Variants in DIAPH2 observed in about 807,000 individuals in gnomAD.
DIAPH2 encodes the protein diaphanous related formin 2.
A neutral mutation model predicts 92.7 loss-of-function variants in DIAPH2; 35 were observed. The ratio of observed to expected loss-of-function variants is 0.38; its 90% CI spans 0.29 to 0.50. The LOEUF is 0.50. DIAPH2 is among the 20% of genes least tolerant of loss of function. DIAPH2 has a pLI of 0.94. For synonymous variants in DIAPH2, 301 were observed against 280.4 expected (o/e 1.07, Z -0.73); for missense variants, 701 against 819.5 (o/e 0.86, Z 1.77).
intron 4 of DIAPH2, among the ~76,000 whole-genome samples, chrX:96,873,702 G>T (rs1372335733): frequency 9.5e-6 from 1 of 105,005 alleles, no homozygotes; most frequent in Non-Finnish European, 2.0e-5. Flanking sequence ...ATATACACAT[G>T]TATATATACA....
intron 24 of DIAPH2, among the ~76,000 whole-genome samples, chrX:97,375,443 C>T (rs906160925): frequency 1.8e-5 from 2 of 110,649 alleles, no homozygotes; most frequent in African/African-American, 6.6e-5. Flanking sequence ...GCGACAAGAG[C>T]ACAACTCCAT....
chrX:97,072,950 A>G lies in DIAPH2; in HGVS notation c.2060A>G (p.Asn687Ser). The change falls in exon 18 of 27, where the codon AAC becomes AGC. Residue 687 changes from asparagine (N) to serine (S), a missense_variant. Coordinates refer to ENST00000324765, the MANE Select transcript of DIAPH2 (RefSeq NM_006729.5). ...NFATQIKVQK[N>S]AEALEEKKTG... is the part of the protein sequence containing the mutation. The stretch of plus-strand genomic sequence containing the variant: ...ACATTTTTTCTTTCAGTTCAAAAGA[A>G]CGCAGAAGCATTAGAAGAAAAGAAG... 8.4e-7 allele frequency: 1 copy of G among 1,192,330 alleles called. No homozygotes were observed. Among genetic ancestry groups the G allele is most frequent in the African/African-American group, 1.8e-5 (1 of 56,494 alleles).
At chrX:97,268,252 G>A (rs895945171) in intron 23 of DIAPH2, among the ~76,000 whole-genome samples, 1 of 112,346 alleles carries the variant, frequency 8.9e-6, no homozygotes, top group Non-Finnish European at 1.9e-5. Context: ...CTTGAATTGT[G>A]CTATTACACA....
chrX:96,933,448 G>A (rs2065633873), intron 10 of DIAPH2, among the ~76,000 whole-genome samples: 1 of 106,544 alleles, frequency 9.4e-6, no homozygotes, highest in Non-Finnish European at 1.9e-5. Context: ...TTCCACTGCA[G>A]CCTCTCAAGT....
chrX:97,275,684 G>A (rs1448539435), intron 23 of DIAPH2, among the ~76,000 whole-genome samples: 4 of 107,901 alleles, frequency 3.7e-5, no homozygotes, highest in Non-Finnish European at 5.8e-5. Flanking sequence ...CAGACGGGGC[G>A]GCGGGGCAGA....
chrX:97,256,344 G>A (rs775062906), intron 23 of DIAPH2, among the ~76,000 whole-genome samples: 1 of 112,151 alleles, frequency 8.9e-6, no homozygotes, highest in African/African-American at 3.2e-5. Flanking sequence ...CAATGAATCT[G>A]TGAATTTGTT....
intron 25 of DIAPH2, among the ~76,000 whole-genome samples, chrX:97,391,814 G>T (rs960979835): frequency 2.7e-5 from 3 of 110,926 alleles, no homozygotes; most frequent in African/African-American, 9.8e-5. Flanking sequence ...ATAGTATAAA[G>T]CAAACACAAA....
Position 97,069,304 on chromosome X carries a change from T to C in DIAPH2, c.2051-3637T>C, listed in dbSNP as rs772376250. 3.6e-5 allele frequency among the ~76,000 whole-genome samples: 4 copies of C among 111,258 alleles called. 1 individual carries two copies. The South Asian group carries it at 1.5e-3, about 43-fold the overall frequency. ...CTTTTAATTCTCCTCATATTTCTTA[T>C]AATATGATGCAACACATAATGTGAT... On this transcript the variant is annotated intron_variant, in intron 17 of 26. Coordinates refer to ENST00000324765, the MANE Select transcript of DIAPH2 (RefSeq NM_006729.5).
intron 23 of DIAPH2, among the ~76,000 whole-genome samples, chrX:97,282,466 C>G (rs1040241219): frequency 1.8e-5 from 2 of 110,649 alleles, no homozygotes; most frequent in Admixed American, 1.9e-4. Context: ...CCTGCCACCA[C>G]GCCCAGCTAA....
At chrX:97,137,002 C>A (rs1369433521) in intron 21 of DIAPH2, among the ~76,000 whole-genome samples, 2 of 108,370 alleles carry the variant, frequency 1.8e-5, no homozygotes, top group Admixed American at 2.0e-4. Context: ...TTAAAAGTAC[C>A]ATGCATCATT....
chrX:96,960,528 G>A lies in DIAPH2; in HGVS notation c.1935+2380G>A, dbSNP rs749909766. ...GGTGTTTAGGTATCTCCAAATGTCAGATCATGTTGTCTGCAAAGAGGGACA... is the reference window on the plus strand; with the variant it reads ...GGTGTTTAGGTATCTCCAAATGTCAAATCATGTTGTCTGCAAAGAGGGACA... On this transcript the variant is annotated intron_variant, in intron 16 of 26. Coordinates refer to ENST00000324765, the MANE Select transcript of DIAPH2 (RefSeq NM_006729.5). 2.7e-5 allele frequency among the ~76,000 whole-genome samples: 3 copies of A among 110,936 alleles called. No individual in the cohort carries two copies. The Admixed American group carries it at 2.9e-4, about 11-fold the overall frequency.
At chrX:96,818,965 A>G (rs542784348) in intron 4 of DIAPH2, among the ~76,000 whole-genome samples, 1 of 112,646 alleles carries the variant, frequency 8.9e-6, no homozygotes, top group African/African-American at 3.2e-5. Context: ...AGATTCTCAT[A>G]AGGAGTGCAC....
At chrX:97,256,234 G>T (rs1426188417) in intron 23 of DIAPH2, among the ~76,000 whole-genome samples, 2 of 112,328 alleles carry the variant, frequency 1.8e-5, no homozygotes, top group African/African-American at 3.2e-5. Context: ...GTGGTTTTTT[G>T]TGTGTGTATG....
chrX:97,411,993 A>G (rs917175494), intron 25 of DIAPH2, among the ~76,000 whole-genome samples: 7 of 111,729 alleles, frequency 6.3e-5, no homozygotes, highest in African/African-American at 2.0e-4. Context: ...AGACAGATCA[A>G]TGAGACAGAA....
At chrX:97,272,476 T>A (rs12855290) in intron 23 of DIAPH2, among the ~76,000 whole-genome samples, 1 of 112,158 alleles carries the variant, frequency 8.9e-6, no homozygotes, top group Non-Finnish European at 1.9e-5. Context: ...TGAAAAATCA[T>A]TTTAAGATTC....
At chrX:97,014,309 G>T (rs1212419641) in intron 17 of DIAPH2, among the ~76,000 whole-genome samples, 1 of 111,762 alleles carries the variant, frequency 8.9e-6, no homozygotes, top group Admixed American at 9.5e-5. Flanking sequence ...GGGAATATCT[G>T]CGAACCAGGT....
chrX:96,780,474 A>G (rs996706764), intron 4 of DIAPH2, among the ~76,000 whole-genome samples: 2 of 110,837 alleles, frequency 1.8e-5, no homozygotes, highest in Non-Finnish European at 3.8e-5. Flanking sequence ...TTATTTTTTT[A>G]TTTTTTGTTT....
chrX:97,216,231 T>A (rs2067882506), intron 22 of DIAPH2, among the ~76,000 whole-genome samples: 1 of 112,256 alleles, frequency 8.9e-6, no homozygotes. Context: ...CTGTTGAAGA[T>A]ATTTCTTATA....
At chrX:97,429,196 A>T (rs942084141) in intron 25 of DIAPH2, among the ~76,000 whole-genome samples, 3 of 112,509 alleles carry the variant, frequency 2.7e-5, no homozygotes, top group Admixed American at 9.4e-5. Flanking sequence ...GTTTTCTAAG[A>T]TAATCGCAGA....
Sources: allele counts gnomAD v4.1 joint callset (sites outside exome capture counted in the v4.1 genomes callset), GRCh38; gene constraint gnomAD v4.1.1; transcripts MANE v1.5; gene names NCBI Gene and HGNC (gene_info 2026-07-23, HGNC 2026-07-21).